The following ATP2B2 variants were observed in gnomAD, a reference collection of about 807,000 sequenced individuals.
ATP2B2 encodes the protein plasma membrane calcium-transporting ATPase 2.
In ATP2B2, 15 loss-of-function variants were observed where a neutral mutation model predicts 120.0. That is an observed-to-expected ratio of 0.12 (90% CI 0.08 to 0.19). The LOEUF (loss-of-function observed/expected upper bound fraction) is 0.19, where lower values mean the gene tolerates loss of function less well. ATP2B2 is among the 10% of genes least tolerant of loss of function. ATP2B2 has a pLI of 1.00. For missense variants in ATP2B2, 1,045 were observed against 1,719.8 expected, an observed-to-expected ratio of 0.61 and a Z score of 6.94; for synonymous variants, 694 against 700.3, an observed-to-expected ratio of 0.99 and a Z score of 0.14.
intron 2 of ATP2B2, among the ~76,000 whole-genome samples, chr3:10,573,900 G>A (rs1360510889): frequency 6.6e-6 from 1 of 152,128 alleles, no homozygotes; most frequent in Non-Finnish European, 1.5e-5. Context: ...GCCTGGTCCT[G>A]CTTGCTCAAA....
intron 2 of ATP2B2, among the ~76,000 whole-genome samples, chr3:10,420,642 A>G (rs34920): frequency 0.77 from 117,175 of 152,240 alleles, 46,562 homozygotes; most frequent in East Asian, 0.99. Flanking sequence ...GATTACAGGT[A>G]TGAGCCACCA....
chr3:10,598,685 T>C (rs899982254), intron 2 of ATP2B2, among the ~76,000 whole-genome samples: 8 of 152,204 alleles, frequency 5.3e-5, no homozygotes, highest in Non-Finnish European at 8.8e-5. Context: ...TCTGGTTGAG[T>C]AGATCAAAGT....
intron 1 of ATP2B2, among the ~76,000 whole-genome samples, chr3:10,624,332 T>C (rs143222166): frequency 6.6e-6 from 1 of 152,318 alleles, no homozygotes; most frequent in Admixed American, 6.5e-5. Context: ...GTCTTTCCTT[T>C]ATTTCTGGCC....
intron 16 of ATP2B2, among the ~76,000 whole-genome samples, chr3:10,348,797 C>T (rs1164268356): frequency 6.6e-6 from 1 of 152,224 alleles, no homozygotes; most frequent in Non-Finnish European, 1.5e-5. Flanking sequence ...CTGCGTGCAG[C>T]CTGGCCCATG....
intron 6 of ATP2B2, among the ~76,000 whole-genome samples, chr3:10,387,244 C>T (rs2061707581): frequency 6.6e-6 from 1 of 152,258 alleles, no homozygotes; most frequent in Admixed American, 6.5e-5. Flanking sequence ...CACAGCTCAG[C>T]CCCATTGTCC....
chr3:10,607,034 C>A (rs2069106997), intron 2 of ATP2B2, among the ~76,000 whole-genome samples: 1 of 150,966 alleles, frequency 6.6e-6, no homozygotes, highest in African/African-American at 2.4e-5. Flanking sequence ...TCCCATCAAC[C>A]TTTGTCTTAA....
chr3:10,474,721 C>T (rs1225889327), intron 1 of ATP2B2, among the ~76,000 whole-genome samples: 1 of 152,276 alleles, frequency 6.6e-6, no homozygotes, highest in Non-Finnish European at 1.5e-5. Context: ...TCCACACTTC[C>T]AGGCTTTTGC....
rs1028080870 is a variant in ATP2B2, at chr3:10,386,469, T to C, written c.940+11A>G. On this transcript the variant is annotated intron_variant, in intron 7 of 22. Transcript: ENST00000360273. ...TAAAAGCCCATCTACCCTGAGGGTG[T>C]CTTACTGTACCTGGTAGCTGAAGGC... The C allele has an allele frequency of 6.2e-7, 1 of 1,613,788 alleles. No homozygotes were observed. The highest frequency in any genetic ancestry group is 1.3e-5 in the African/African-American group (1 of 74,888).
In ATP2B2 at chr3:10,340,639, A is replaced by T; in HGVS notation, c.2983T>A (p.Tyr995Asn). ...APLHSPPSEH[Y>N]TIIFNTFVMM... Reference sequence around the variant, plus strand: ...ACGAAGGTGTTGAAGATGATGGTGTAATGTTCTGAGGGTGGCGAATGCAGG... The same window carrying T: ...ACGAAGGTGTTGAAGATGATGGTGTTATGTTCTGAGGGTGGCGAATGCAGG... The change falls in exon 20 of 23, where the codon TAC becomes AAC. Residue 995 changes from tyrosine to asparagine, a missense_variant. By Grantham distance (143) the Tyr-to-Asn change is moderately radical. Around this residue, in one of 11 missense-constraint regions of ATP2B2, gnomAD observed 211 missense variants for 385.1 expected, o/e 0.55. Coordinates refer to ENST00000360273, the MANE Select transcript of ATP2B2 (RefSeq NM_001001331.4). This position sits in a 1 kb window ranked among gnomAD's most constrained non-coding sequence, Gnocchi z 5.0. 6.2e-7 allele frequency: 1 copy of T among 1,614,172 alleles called. No homozygotes were observed. The highest frequency in any genetic ancestry group is 8.5e-7 in the Non-Finnish European group (1 of 1,180,044).
In ATP2B2 at chr3:10,350,099, G is replaced by A. The variant is rs747873540; in HGVS notation, c.2404+13C>T. On this transcript the variant is annotated intron_variant, in intron 16 of 22. Coordinates refer to ENST00000360273, the MANE Select transcript of ATP2B2 (RefSeq NM_001001331.4). ...CTGGGCTTCAGGATTGCCCGTGCCC[G>A]CCCAAGTCTTACCTTTAACCAGGGT... 39 of 1,613,508 alleles carry A rather than the reference G, an allele frequency of 2.4e-5. No individual in the cohort carries two copies. The highest frequency in any genetic ancestry group is 6.7e-5 in the Admixed American group (4 of 59,964).
At chr3:10,614,055 G>A (rs1428366031) in intron 2 of ATP2B2, among the ~76,000 whole-genome samples, 2 of 151,868 alleles carry the variant, frequency 1.3e-5, no homozygotes, top group Non-Finnish European at 2.9e-5. Context: ...CCTTCCCTGA[G>A]CACCTTATAT....
intron 2 of ATP2B2, among the ~76,000 whole-genome samples, chr3:10,546,452 C>T (rs1211922579): frequency 6.6e-6 from 1 of 152,196 alleles, no homozygotes; most frequent in Non-Finnish European, 1.5e-5. Context: ...CTACTCAGAA[C>T]AAAGAAAGGG....
At chr3:10,356,549 A>T (rs114441030) in intron 14 of ATP2B2, among the ~76,000 whole-genome samples, 1,642 of 152,290 alleles carry the variant, frequency 0.011, 27 homozygotes, top group African/African-American at 0.038. Flanking sequence ...GTCATGGTCA[A>T]ATAACAGTTT....
intron 1 of ATP2B2, among the ~76,000 whole-genome samples, chr3:10,650,334 GGAACTTT>G (rs1412745668): frequency 1.3e-5 from 2 of 152,284 alleles, no homozygotes; most frequent in Non-Finnish European, 2.9e-5. Flanking sequence ...AGAGATTTGT[GGAACTTT>G]GAACTTTGAA....
intron 5 of ATP2B2, chr3:10,394,669 G>C (rs2061974714): frequency 7.4e-6 from 3 of 404,502 alleles, no homozygotes; most frequent in Non-Finnish European, 1.6e-5. Context: ...CCTTCTGCTT[G>C]GTGGGGTGGG....
At chr3:10,371,739 C>T in intron 12 of ATP2B2, 70 bp downstream of exon 12, 1 of 1,611,454 alleles carries the variant, frequency 6.2e-7, no homozygotes, top group Non-Finnish European at 8.5e-7. Context: ...CATTGCTCAA[C>T]CTGCCCAGTA....
At chr3:10,639,635 C>T (rs936808482) in intron 1 of ATP2B2, among the ~76,000 whole-genome samples, 1 of 152,106 alleles carries the variant, frequency 6.6e-6, no homozygotes, top group Non-Finnish European at 1.5e-5. Flanking sequence ...ACATTCAGAC[C>T]CTAGCAGATA....
chr3:10,473,530 G>A (rs553358257), intron 1 of ATP2B2, among the ~76,000 whole-genome samples: 50 of 152,310 alleles, frequency 3.3e-4, no homozygotes, highest in African/African-American at 9.9e-4. Flanking sequence ...TACTCAGGAG[G>A]CTGAGGCACG....
chr3:10,330,255 A>G, intron 22 of ATP2B2: 1 of 154,886 alleles, frequency 6.5e-6, no homozygotes, highest in African/African-American at 2.4e-5. Context: ...AGGCTAGTGG[A>G]AAGAGCACTG....
Sources: allele counts gnomAD v4.1 joint callset (sites outside exome capture counted in the v4.1 genomes callset), GRCh38; gene constraint gnomAD v4.1.1; regional missense constraint gnomAD v4.1.1; non-coding constraint Gnocchi (gnomAD v3.1); transcripts MANE v1.5; gene names NCBI Gene and HGNC (gene_info 2026-07-23, HGNC 2026-07-21).